Variants in C10orf88 observed in about 807,000 individuals in gnomAD.
The protein encoded by C10orf88 is chromosome 10 open reading frame 88.
Under a neutral mutation model 34.2 loss-of-function variants are expected in C10orf88, and 29 were observed. The ratio of observed to expected loss-of-function variants is 0.85; its 90% CI spans 0.63 to 1.16. The LOEUF is 1.16. Among genes scored for constraint, C10orf88 ranks in the 50% most tolerant of loss-of-function variants. C10orf88 has a pLI of 0.00. For missense variants in C10orf88, 507 were observed against 533.2 expected, an observed-to-expected ratio of 0.95 and a Z score of 0.48; for synonymous variants, 194 against 197.4, an observed-to-expected ratio of 0.98 and a Z score of 0.15.
chr10:122,937,667 A>C (rs374851210), intron 5 of C10orf88, 38 bp downstream of exon 5: 151 of 1,484,190 alleles, frequency 1.0e-4, no homozygotes, highest in Non-Finnish European at 1.3e-4. Flanking sequence ...TCTTCCACCT[A>C]CCAAATCGAA....
intron 4 of C10orf88, among the ~76,000 whole-genome samples, chr10:122,945,079 C>T (rs975133483): frequency 8.0e-5 from 12 of 149,888 alleles, no homozygotes; most frequent in African/African-American, 1.7e-4. Context: ...TGTATATATA[C>T]GTATATATAT....
intron 4 of C10orf88, among the ~76,000 whole-genome samples, chr10:122,938,938 G>T (rs1848559372): frequency 1.3e-5 from 2 of 151,924 alleles, no homozygotes; most frequent in South Asian, 4.1e-4. Context: ...AAGGCATATG[G>T]CTCCACTCTA....
At chr10:122,948,264 G>T (rs1237046733) in intron 4 of C10orf88, among the ~76,000 whole-genome samples, 4 of 151,788 alleles carry the variant, frequency 2.6e-5, no homozygotes, top group Non-Finnish European at 5.9e-5. Context: ...CATTTTAAAG[G>T]CCTAGATAAA....
At position 122,954,157 on chromosome 10, in the gene C10orf88, C is replaced by T; in HGVS notation, c.22G>A (p.Gly8Arg). 1 of 1,577,230 alleles carries T rather than the reference C, an allele frequency of 6.3e-7. No homozygotes were observed. Among genetic ancestry groups the T allele is most frequent in the Non-Finnish European group, 8.6e-7 (1 of 1,166,976 alleles). The change falls in exon 1 of 6, where the codon GGG becomes AGG. Residue 8 changes from glycine (G) to arginine (R), a missense_variant. Gly to Arg is a moderately radical substitution (Grantham distance 125). Coordinates refer to ENST00000481909, the MANE Select transcript of C10orf88 (RefSeq NM_024942.4). METRTEDGGLTRRPTLAS... is the reference protein window; with the variant it reads METRTEDRGLTRRPTLAS... ...AGCGTGGGGCGGCGGGTGAGGCCCC[C>T]GTCCTCGGTCCGCGTCTCCATTCCG...
At chr10:122,935,785 T>C (rs1022248186) in intron 5 of C10orf88, among the ~76,000 whole-genome samples, 4 of 151,872 alleles carry the variant, frequency 2.6e-5, no homozygotes, top group Non-Finnish European at 4.4e-5. Context: ...TTTTAGGGCT[T>C]TTCTTTTCCT....
intron 4 of C10orf88, among the ~76,000 whole-genome samples, chr10:122,945,970 G>A (rs1848636141): frequency 1.3e-5 from 2 of 151,820 alleles, no homozygotes; most frequent in African/African-American, 2.4e-5. Context: ...GGTGGCATGC[G>A]CCTGTAATCC....
intron 3 of C10orf88, among the ~76,000 whole-genome samples, chr10:122,950,416 G>A (rs1298759461): frequency 1.3e-5 from 2 of 152,100 alleles, no homozygotes; most frequent in African/African-American, 4.8e-5. Flanking sequence ...CCATTGAACA[G>A]TTAAAAAAAC....
At position 122,951,992 on chromosome 10, in the gene C10orf88, G is replaced by T; in HGVS notation, c.403C>A (p.Leu135Ile). The T allele has an allele frequency of 6.5e-7, 1 of 1,544,144 alleles. No homozygotes were observed. The highest frequency in any genetic ancestry group is 8.9e-7 in the Non-Finnish European group (1 of 1,126,232). ...HEKIILYKKN[L>I]KLESSTHACK... ...GCATGTGTGGAGGACTCCAATTTTA[G>T]ATTTTTTTTATACAAAATGATCTTT... The change falls in exon 3 of 6, where the codon CTA becomes ATA. Residue 135 changes from leucine (L) to isoleucine (I), a missense_variant. Coordinates refer to ENST00000481909, the MANE Select transcript of C10orf88 (RefSeq NM_024942.4).
chr10:122,948,990 T>C (rs1848666036), intron 3 of C10orf88, 135 bp from the exon 4 acceptor site: 1 of 782,670 alleles, frequency 1.3e-6, no homozygotes, highest in South Asian at 2.1e-5. Context: ...TTTTAAACTT[T>C]TCTCTAGAAC....
At chr10:122,938,588 C>T (rs188342179) in intron 4 of C10orf88, among the ~76,000 whole-genome samples, 3 of 152,076 alleles carry the variant, frequency 2.0e-5, no homozygotes, top group African/African-American at 7.2e-5. Flanking sequence ...ATATCATTCC[C>T]AACTGTCAAA....
At chr10:122,949,141 A>G (rs1046049122) in intron 3 of C10orf88, among the ~76,000 whole-genome samples, 3 of 152,190 alleles carry the variant, frequency 2.0e-5, no homozygotes, top group African/African-American at 7.2e-5. Flanking sequence ...AGAACTAAAA[A>G]TAAACTATAG....
At chr10:122,943,413 TA>T (rs1848604951) in intron 4 of C10orf88, among the ~76,000 whole-genome samples, 2 of 150,622 alleles carry the variant, frequency 1.3e-5, no homozygotes, top group Admixed American at 1.3e-4. Flanking sequence ...CCTAAAACCA[TA>T]AAAACCCTAG....
intron 5 of C10orf88, among the ~76,000 whole-genome samples, chr10:122,932,888 A>AT (rs2133326585): frequency 1.3e-5 from 2 of 152,348 alleles, no homozygotes; most frequent in African/African-American, 4.8e-5. Flanking sequence ...ACAGAAATGT[A>AT]AAAGTGAAAA....
intron 4 of C10orf88, among the ~76,000 whole-genome samples, chr10:122,945,302 T>G (rs976713235): frequency 6.6e-6 from 1 of 152,206 alleles, no homozygotes; most frequent in African/African-American, 2.4e-5. Flanking sequence ...GTATAGCATG[T>G]ACAATTATGT....
chr10:122,949,002 G>C lies in C10orf88; in HGVS notation c.442-147C>G, dbSNP rs534640635. The C allele has an allele frequency of 7.4e-6, 5 of 674,462 alleles. No individual in the cohort carries two copies. In the East Asian group the frequency reaches 1.4e-4, roughly 19 times the overall value. The allele number at this position is 674,462 out of a possible 1,614,324, so 41.8% of individuals were successfully genotyped here. ...ATATTTTAAACTTTTCTCTAGAACA[G>C]CAATAGTCAGGAAAAATTCCAATTT... On this transcript the variant is annotated intron_variant, in intron 3 of 5. Transcript: ENST00000481909.
chr10:122,951,975 G>A lies in C10orf88; in HGVS notation c.420C>T (p.Ser140=), dbSNP rs999952057. ...TTACCTTTATTTTACAAGCATGTGT[G>A]GAGGACTCCAATTTTAGATTTTTTT... ...LYKKNLKLES[S]THACKIKLLS... Residue 140 remains serine, a synonymous_variant, in exon 3 of 6, where the codon TCC becomes TCT. Transcript: ENST00000481909. 1.3e-6 allele frequency: 2 copies of A among 1,545,148 alleles called. No individual in the cohort carries two copies. Among genetic ancestry groups the A allele is most frequent in the Non-Finnish European group, 8.9e-7 (1 of 1,126,322 alleles).
rs1848552955 is a variant in C10orf88 at position 122,938,245 on chromosome 10, A to G, written c.649-86T>C. 3 of 1,111,360 alleles carry G rather than the reference A, an allele frequency of 2.7e-6. No homozygotes were observed. The South Asian group carries it at 4.6e-5, about 17-fold the overall frequency. The allele number at this position is 1,111,360 out of a possible 1,614,324, so 68.8% of individuals were successfully genotyped here. On this transcript the variant is annotated intron_variant, in intron 4 of 5. Coordinates refer to ENST00000481909, the MANE Select transcript of C10orf88 (RefSeq NM_024942.4). Reference sequence around the variant, plus strand: ...AATTACTATGAGTCAGGCACTGTGCATTGTTTCATCCAATCCTCAAAACAT... The same window carrying G: ...AATTACTATGAGTCAGGCACTGTGCGTTGTTTCATCCAATCCTCAAAACAT...
chr10:122,946,589 A>C (rs1848642934), intron 4 of C10orf88, among the ~76,000 whole-genome samples: 1 of 152,166 alleles, frequency 6.6e-6, no homozygotes, highest in African/African-American at 2.4e-5. Context: ...AGCCATAAAC[A>C]AGACAGATAA....
rs887166611 is a variant in C10orf88 at position 122,931,951 on chromosome 10, A to C, written c.*476T>G. 1.3e-5 allele frequency: 2 copies of C among 152,944 alleles called. No homozygotes were observed. The highest frequency in any genetic ancestry group is 1.3e-4 in the Admixed American group (2 of 15,316). The allele number at this position is 152,944 out of a possible 1,614,324, so 9.5% of individuals were successfully genotyped here. A position where few individuals can be genotyped will look rare whatever the true frequency, so the allele number is the denominator to read the frequency against. ...ATCTTATTCATTATCTCACACAAGC[A>C]ATACAAAATGTAAACTGGTAATCTG... On this transcript the variant is annotated 3_prime_UTR_variant, in exon 6 of 6. Transcript: ENST00000481909.
Sources: gnomAD v4.1 joint callset for allele counts (sites outside exome capture counted in the v4.1 genomes callset) on GRCh38, gnomAD v4.1.1 for gene constraint, MANE v1.5 for transcripts, NCBI Gene and HGNC (gene_info 2026-07-23, HGNC 2026-07-21) for gene names.